Variants in TTC27 observed in about 807,000 individuals in gnomAD.
The protein encoded by TTC27 is tetratricopeptide repeat protein 27.
TTC27 carries 79 observed loss-of-function variants against 115.9 expected under a neutral mutation model. The observed-to-expected ratio is 0.68, with a 90% CI of 0.57 to 0.82. TTC27 has a LOEUF of 0.82. Among genes scored for constraint, TTC27 ranks in the 40% least tolerant of loss-of-function variants. TTC27 has a pLI of 0.00. For missense variants in TTC27, 1,054 were observed against 993.1 expected, an observed-to-expected ratio of 1.06 and a Z score of -0.82; for synonymous variants, 401 against 356.0, an observed-to-expected ratio of 1.13 and a Z score of -1.42.
intron 1 of TTC27, among the ~76,000 whole-genome samples, chr2:32,630,155 G>A (rs1664119424): frequency 6.6e-6 from 1 of 152,212 alleles, no homozygotes; most frequent in Non-Finnish European, 1.5e-5. Context: ...GAAAATAATG[G>A]AGGTAGAAAG....
intron 11 of TTC27, 136 bp downstream of exon 11, chr2:32,734,059 A>C: frequency 1.9e-6 from 1 of 524,954 alleles, no homozygotes; most frequent in Non-Finnish European, 3.2e-6. Context: ...CTGCCTGGGA[A>C]TTGCTAACTA....
chr2:32,658,446 A>G (rs1383266572), intron 5 of TTC27, among the ~76,000 whole-genome samples: 1 of 152,178 alleles, frequency 6.6e-6, no homozygotes, highest in East Asian at 1.9e-4. Context: ...TTAAGTGGAG[A>G]TAATGTCAGC....
chr2:32,761,249 T>A (rs1171335471), intron 13 of TTC27, among the ~76,000 whole-genome samples: 1 of 152,114 alleles, frequency 6.6e-6, no homozygotes, highest in Non-Finnish European at 1.5e-5. Context: ...ATACCCCACA[T>A]CTAATCGATC....
At chr2:32,761,935 A>G (rs1333841576) in intron 13 of TTC27, among the ~76,000 whole-genome samples, 2 of 152,228 alleles carry the variant, frequency 1.3e-5, no homozygotes, top group South Asian at 2.1e-4. Flanking sequence ...AGTCAAATAT[A>G]TACTAATTGT....
chr2:32,804,702 G>T (rs978899072), intron 16 of TTC27, among the ~76,000 whole-genome samples: 5 of 151,702 alleles, frequency 3.3e-5, no homozygotes, highest in Non-Finnish European at 5.9e-5. Flanking sequence ...GTGATTGGCC[G>T]ATGGACCCAA....
rs141144324 is a variant in TTC27 at position 32,764,059 on chromosome 2, G to A, written c.1680+5540G>A. On this transcript the variant is annotated intron_variant, in intron 13 of 19. Coordinates refer to ENST00000317907, the MANE Select transcript of TTC27 (RefSeq NM_017735.5). ...CTATCAAGCCAGTACGTTTAGCACT[G>A]AAAAAGAGAAATATTATGTCCTGTC... Among the ~76,000 whole-genome samples the A allele has an allele frequency of 1.6e-3, 238 of 152,266 alleles. 5 individuals carry two copies. Among genetic ancestry groups the A allele is most frequent in the Non-Finnish European group, 1.5e-4 (10 of 68,008 alleles).
chr2:32,664,005 C>G (rs1259962557), intron 5 of TTC27, among the ~76,000 whole-genome samples: 1 of 149,812 alleles, frequency 6.7e-6, no homozygotes, highest in South Asian at 2.1e-4. Context: ...TTTTTTTTGG[C>G]ATTGTTAAGA....
chr2:32,812,018 C>A (rs1671333538), intron 17 of TTC27, among the ~76,000 whole-genome samples: 1 of 152,160 alleles, frequency 6.6e-6, no homozygotes, highest in African/African-American at 2.4e-5. Flanking sequence ...CCTTCCATTT[C>A]TCCTTGAATT....
intron 10 of TTC27, among the ~76,000 whole-genome samples, chr2:32,723,755 C>CTTCCTTCCTTCCTTCT (rs1414738195): frequency 8.2e-6 from 1 of 122,392 alleles, no homozygotes; most frequent in African/African-American, 3.1e-5. Flanking sequence ...TCCTTCCTTC[C>CTTCCTTCCTTCCTTCT]TTCCTTCCTT....
intron 8 of TTC27, among the ~76,000 whole-genome samples, chr2:32,672,864 T>C (rs979125878): frequency 6.6e-6 from 1 of 152,226 alleles, no homozygotes; most frequent in Non-Finnish European, 1.5e-5. Flanking sequence ...TGATGCTGTA[T>C]CATTCCTGAA....
chr2:32,637,514 A>G (rs1664473968), intron 3 of TTC27, among the ~76,000 whole-genome samples: 2 of 151,808 alleles, frequency 1.3e-5, no homozygotes, highest in African/African-American at 2.4e-5. Context: ...GTATTTTTTA[A>G]TAGAGACGGG....
chr2:32,809,150 A>G (rs969271298), intron 16 of TTC27, among the ~76,000 whole-genome samples: 1 of 152,194 alleles, frequency 6.6e-6, no homozygotes, highest in African/African-American at 2.4e-5. Flanking sequence ...AAAAGTATCC[A>G]TGTTCCAGAG....
In TTC27 at chr2:32,666,758, A is replaced by G; in HGVS notation, c.929A>G (p.His310Arg). 2 of 1,612,132 alleles carry G rather than the reference A, an allele frequency of 1.2e-6. No homozygotes were observed. The highest frequency in any genetic ancestry group is 1.7e-6 in the Non-Finnish European group (2 of 1,179,134). ...ACTCCAGCACCCACTCCTCAGGAAC[A>G]TTTAACCAAGGCAAGTAGGACATTA... Reference protein sequence around the residue: ...EFTPAPTPQEHLTKNLELNDD... With the variant: ...EFTPAPTPQERLTKNLELNDD... Residue 310 changes from histidine (H) to arginine (R), a missense_variant, in exon 7 of 20, where the codon CAT becomes CGT. Coordinates refer to ENST00000317907, the MANE Select transcript of TTC27 (RefSeq NM_017735.5).
intron 16 of TTC27, among the ~76,000 whole-genome samples, chr2:32,794,138 A>T (rs1467507420): frequency 1.3e-5 from 2 of 152,234 alleles, no homozygotes; most frequent in Non-Finnish European, 2.9e-5. Flanking sequence ...TCTACCCAAC[A>T]ACAGCATACG....
At chr2:32,732,719 G>A (rs1668329738) in intron 10 of TTC27, among the ~76,000 whole-genome samples, 2 of 152,156 alleles carry the variant, frequency 1.3e-5, no homozygotes, top group Admixed American at 1.3e-4. Flanking sequence ...AGAGTAAGTT[G>A]CCAACATGGT....
intron 16 of TTC27, among the ~76,000 whole-genome samples, chr2:32,790,156 C>T (rs989448108): frequency 2.0e-5 from 3 of 151,802 alleles, no homozygotes. Flanking sequence ...CTTTTTACTC[C>T]TGTAATCATG....
intron 12 of TTC27, among the ~76,000 whole-genome samples, chr2:32,753,429 CTT>C (rs776515945): frequency 5.5e-5 from 4 of 72,846 alleles, no homozygotes; most frequent in African/African-American, 1.7e-4. Context: ...AATCAAATGC[CTT>C]TTTTTTTTTT....
chr2:32,678,092 CAA>C (rs1419357668), intron 8 of TTC27, among the ~76,000 whole-genome samples: 2 of 151,850 alleles, frequency 1.3e-5, no homozygotes, highest in African/African-American at 4.8e-5. Flanking sequence ...TCCATTTCTA[CAA>C]AAATAGAAAA....
chr2:32,628,150 G>C lies in TTC27; in HGVS notation c.-143G>C. The C allele has an allele frequency of 1.3e-6, 1 of 748,234 alleles. No individual in the cohort carries two copies. The highest frequency in any genetic ancestry group is 2.9e-5 in the East Asian group (1 of 34,616). The allele number at this position is 748,234 out of a possible 1,614,324, so 46.3% of individuals were successfully genotyped here. A position where few individuals can be genotyped will look rare whatever the true frequency, so the allele number is the denominator to read the frequency against. On this transcript the variant is annotated 5_prime_UTR_variant, in exon 1 of 20. Transcript: ENST00000317907. ...CTCCTTGAGGTAGTATCCGCACATG[G>C]AATTCTAGGGCCGCAGGTGTATTTA...
Sources: allele counts gnomAD v4.1 joint callset (sites outside exome capture counted in the v4.1 genomes callset), GRCh38; gene constraint gnomAD v4.1.1; transcripts MANE v1.5; gene names NCBI Gene and HGNC (gene_info 2026-07-23, HGNC 2026-07-21).